Variants in CDV3 observed in about 807,000 individuals in gnomAD.
CDV3 encodes CDV3 homolog.
Under a neutral mutation model 24.5 loss-of-function variants are expected in CDV3, and 14 were observed. The ratio of observed to expected loss-of-function variants is 0.57; its 90% CI spans 0.38 to 0.89. The LOEUF is 0.89. Among genes scored for constraint, CDV3 ranks in the 40% least tolerant of loss-of-function variants. The pLI is 0.00. For missense variants in CDV3, 304 were observed against 310.2 expected, an observed-to-expected ratio of 0.98 and a Z score of 0.15; for synonymous variants, 114 against 114.1, an observed-to-expected ratio of 1.00 and a Z score of 0.00.
At chr3:133,575,246 G>A (rs2074761822) in intron 2 of CDV3, 131 bp downstream of exon 2, 2 of 584,482 alleles carry the variant, frequency 3.4e-6, no homozygotes, top group Middle Eastern at 2.7e-4. Flanking sequence ...GGACTCAAAT[G>A]GGTTCTGTCT....
At chr3:133,585,794 G>T (rs1933541196) in intron 3 of CDV3, among the ~76,000 whole-genome samples, 1 of 152,186 alleles carries the variant, frequency 6.6e-6, no homozygotes, top group African/African-American at 2.4e-5. Context: ...ACTGCACCCA[G>T]CCCTGGCTAG....
In CDV3 at chr3:133,589,140, C is replaced by T. The variant is rs916592082; in HGVS notation, c.*1094C>T. ...CAGGCTAAGAGGGTCACTGATCTGTCCTTAGAAATTCAGAGTAACATGAGC... is the reference window on the plus strand; with the variant it reads ...CAGGCTAAGAGGGTCACTGATCTGTTCTTAGAAATTCAGAGTAACATGAGC... On this transcript the variant is annotated 3_prime_UTR_variant, in exon 5 of 5. Coordinates refer to ENST00000264993, the MANE Select transcript of CDV3 (RefSeq NM_017548.5). 1 of 152,588 alleles carries T rather than the reference C, an allele frequency of 6.6e-6. No individual in the cohort carries two copies. Among genetic ancestry groups the T allele is most frequent in the Non-Finnish European group, 1.5e-5 (1 of 68,062 alleles). 9.5% of individuals were successfully genotyped at this position (152,588 alleles called of 1,614,324 possible).
rs2107752255 is a variant in CDV3, at chr3:133,589,363, A to T, written c.*1317A>T. ...AGTCAGGGCGAAAGACAGGTGATGT[A>T]GCACTTCTGTTTTTAATAATTATTG... is the stretch of plus-strand genomic sequence containing the variant. On this transcript the variant is annotated 3_prime_UTR_variant, in exon 5 of 5. Transcript: ENST00000264993. The T allele has an allele frequency of 1.3e-5, 2 of 152,760 alleles. No homozygotes were observed. The highest frequency in any genetic ancestry group is 4.1e-4 in the South Asian group (2 of 4,832). 9.5% of individuals were successfully genotyped at this position (152,760 alleles called of 1,614,324 possible).
At position 133,584,167 on chromosome 3, in the gene CDV3, A is replaced by G. The variant is rs1377974567; in HGVS notation, c.466+17A>G. On this transcript the variant is annotated intron_variant, in intron 3 of 4. Transcript: ENST00000264993. Reference sequence around the variant, plus strand: ...CAGTAATTGGTAATTTTACTATTTCAGTTTCAGAAAGATGTCTAATTTATA... The same window carrying G: ...CAGTAATTGGTAATTTTACTATTTCGGTTTCAGAAAGATGTCTAATTTATA... The G allele has an allele frequency of 6.4e-7, 1 of 1,564,822 alleles. No homozygotes were observed. The highest frequency in any genetic ancestry group is 8.7e-7 in the Non-Finnish European group (1 of 1,149,952).
At chr3:133,574,496 C>T in intron 1 of CDV3, 19 of 986,314 alleles carry the variant, frequency 1.9e-5, no homozygotes, top group Non-Finnish European at 2.2e-5. Flanking sequence ...CCTTCCCACC[C>T]CGCGTCGCTC....
In CDV3 at chr3:133,584,034, G is replaced by C; in HGVS notation, c.350G>C (p.Arg117Thr). 2 of 1,610,842 alleles carry C rather than the reference G, an allele frequency of 1.2e-6. No individual in the cohort carries two copies. The highest frequency in any genetic ancestry group is 1.7e-6 in the Non-Finnish European group (2 of 1,178,338). ...SEKEEDDNEKRQDPGDNWEEG... is the reference protein window; with the variant it reads ...SEKEEDDNEKTQDPGDNWEEG... Reference sequence around the variant, plus strand: ...AAGGAAGAAGACGATAATGAAAAGAGACAAGATCCAGGTGATAACTGGGAA... The same window carrying C: ...AAGGAAGAAGACGATAATGAAAAGACACAAGATCCAGGTGATAACTGGGAA... Residue 117 changes from arginine to threonine, a missense_variant, in exon 3 of 5, where the codon AGA (arginine) becomes ACA (threonine). Arg to Thr is a moderately conservative substitution (Grantham distance 71). This residue lies in a region of CDV3 where 219 missense variants were observed against 203.6 expected (regional missense o/e 1.08). Transcript: ENST00000264993.
At chr3:133,580,989 C>CT (rs781259535) in intron 2 of CDV3, among the ~76,000 whole-genome samples, 14 of 151,322 alleles carry the variant, frequency 9.3e-5, no homozygotes, top group Non-Finnish European at 1.6e-4. Context: ...AATTTTTTTC[C>CT]TAAGGGCAAG....
chr3:133,584,156 T>G lies in CDV3; in HGVS notation c.466+6T>G, dbSNP rs766253963. On this transcript the variant is annotated splice_donor_region_variant and intron_variant, in intron 3 of 4. Transcript: ENST00000264993. ...ACCTCCTGCTCCAGTAATTGGTAATTTTACTATTTCAGTTTCAGAAAGATG... is the reference window on the plus strand; with the variant it reads ...ACCTCCTGCTCCAGTAATTGGTAATGTTACTATTTCAGTTTCAGAAAGATG... 24 of 1,584,644 alleles carry G rather than the reference T, an allele frequency of 1.5e-5. No individual in the cohort carries two copies. The Admixed American group carries it at 4.0e-4, about 27-fold the overall frequency.
chr3:133,574,731 C>T, intron 1 of CDV3: 4 of 1,097,620 alleles, frequency 3.6e-6, no homozygotes, highest in South Asian at 5.7e-5. Flanking sequence ...AAAGAAAACT[C>T]TCGGTGGCAA....
At chr3:133,585,441 A>T (rs138114378) in intron 3 of CDV3, among the ~76,000 whole-genome samples, 7,855 of 151,750 alleles carry the variant, frequency 0.052, 277 homozygotes, top group Middle Eastern at 0.15. Flanking sequence ...TCGGCCTCCC[A>T]AAGTGCTGGG....
At chr3:133,587,511 T>C (rs1933731574) in intron 4 of CDV3, 4 of 1,107,966 alleles carry the variant, frequency 3.6e-6, no homozygotes, top group Non-Finnish European at 4.4e-6. Context: ...CATTGACTAA[T>C]GAGTAGAATT....
chr3:133,577,864 G>T (rs2074873767), intron 2 of CDV3, among the ~76,000 whole-genome samples: 1 of 152,208 alleles, frequency 6.6e-6, no homozygotes, highest in South Asian at 2.1e-4. Context: ...TGAATTAACA[G>T]ATCTTATTCA....
chr3:133,577,775 A>G (rs1172290474), intron 2 of CDV3, among the ~76,000 whole-genome samples: 1 of 152,250 alleles, frequency 6.6e-6, no homozygotes, highest in Non-Finnish European at 1.5e-5. Context: ...AACGTATTAT[A>G]TATTAAGATC....
chr3:133,581,647 C>T (rs1417008558), intron 2 of CDV3, among the ~76,000 whole-genome samples: 1 of 152,130 alleles, frequency 6.6e-6, no homozygotes, highest in Non-Finnish European at 1.5e-5. Flanking sequence ...GTGGCAGAGC[C>T]TGGATTTGAA....
At chr3:133,574,711 C>A in intron 1 of CDV3, 1 of 1,089,198 alleles carries the variant, frequency 9.2e-7, no homozygotes, top group Non-Finnish European at 1.1e-6. Context: ...TCTCTAAGCC[C>A]GTGAAAGAAA....
rs1433770419 is a variant in CDV3, at chr3:133,584,016, A to G, written c.332A>G (p.Glu111Gly). ...QAMQISSEKE[E>G]DDNEKRQDPG... ...TGCTTTTCCAGCAGTGAAAAGGAAG[A>G]AGACGATAATGAAAAGAGACAAGAT... is the stretch of plus-strand genomic sequence containing the variant. Residue 111 changes from glutamate (E) to glycine (G), a missense_variant, in exon 3 of 5, where the codon GAA (glutamate) becomes GGA (glycine). Glu to Gly is a moderately conservative substitution (Grantham distance 98, BLOSUM62 -2). This residue lies in a region of CDV3 where 219 missense variants were observed against 203.6 expected (regional missense o/e 1.08). Coordinates refer to ENST00000264993, the MANE Select transcript of CDV3 (RefSeq NM_017548.5). The G allele has an allele frequency of 1.2e-6, 2 of 1,603,698 alleles. No individual in the cohort carries two copies. The highest frequency in any genetic ancestry group is 1.7e-4 in the Middle Eastern group (1 of 5,784).
intron 4 of CDV3, chr3:133,587,182 C>G: frequency 7.4e-7 from 1 of 1,357,156 alleles, no homozygotes; most frequent in South Asian, 1.8e-5. Flanking sequence ...TGAATGCTAC[C>G]TGGAATTAAA....
At chr3:133,574,391 G>T in intron 1 of CDV3, 107 bp downstream of exon 1, 6 of 946,162 alleles carry the variant, frequency 6.3e-6, no homozygotes, top group Non-Finnish European at 7.6e-6. Flanking sequence ...CGGAGGCCGG[G>T]CGGACGGGCG....
At position 133,574,030 on chromosome 3, in the gene CDV3, G is replaced by T. The variant is rs2074704397; in HGVS notation, c.-15G>T. ...GCCGCCGGCCCCACCCATCCGGGTC[G>T]AGGAGGCCGAGGCCATGGCTGAGAC... is the stretch of plus-strand genomic sequence containing the variant. On this transcript the variant is annotated 5_prime_UTR_variant, in exon 1 of 5. Transcript: ENST00000264993. 2 of 1,131,402 alleles carry T rather than the reference G, an allele frequency of 1.8e-6. No homozygotes were observed. The highest frequency in any genetic ancestry group is 2.2e-6 in the Non-Finnish European group (2 of 907,334). 70.1% of individuals were successfully genotyped at this position (1,131,402 alleles called of 1,614,324 possible).
Sources: allele counts gnomAD v4.1 joint callset (sites outside exome capture counted in the v4.1 genomes callset), GRCh38; gene constraint gnomAD v4.1.1; regional missense constraint gnomAD v4.1.1; transcripts MANE v1.5; gene names NCBI Gene and HGNC (gene_info 2026-07-23, HGNC 2026-07-21).